NMRK2: variants seen among roughly 807,000 people sequenced by gnomAD.
NMRK2 encodes NRK 2.
A neutral mutation model predicts 24.7 loss-of-function variants in NMRK2; 34 were observed. That is an observed-to-expected ratio of 1.37 (90% CI 1.05 to 1.83). The LOEUF (loss-of-function observed/expected upper bound fraction) is 1.83, where lower values mean the gene tolerates loss of function less well. Among genes scored for constraint, NMRK2 ranks in the 40% most tolerant of loss-of-function variants. The probability of loss-of-function intolerance (pLI) is 0.00; values close to 1 mark genes in which losing one functional copy is unlikely to be tolerated. For missense variants in NMRK2, 341 were observed against 315.0 expected, an observed-to-expected ratio of 1.08 and a Z score of -0.62; for synonymous variants, 145 against 125.6, an observed-to-expected ratio of 1.15 and a Z score of -1.03.
At position 3,938,730 on chromosome 19, in the gene NMRK2, C is replaced by T. The variant is rs74527868; in HGVS notation, c.294C>T (p.Leu98=). The T allele has an allele frequency of 5.4e-3, 8,683 of 1,608,524 alleles. 414 individuals are homozygous for T. The African/African-American group carries it at 0.1, about 19-fold the overall frequency. Residue 98 remains leucine, a synonymous_variant, in exon 5 of 8, where the codon CTC becomes CTT. Transcript: ENST00000168977. ...QPEASDTHIL[L]LEGFLLYSYK... ...AGGCCTCGGACACCCACATCCTCCTCCTGGAAGGCTTCCTGCTCTACAGCT... is the reference window on the plus strand; with the variant it reads ...AGGCCTCGGACACCCACATCCTCCTTCTGGAAGGCTTCCTGCTCTACAGCT...
intron 2 of NMRK2, among the ~76,000 whole-genome samples, chr19:3,935,249 G>GTCTT (rs2039193748): frequency 7.7e-6 from 1 of 130,328 alleles, no homozygotes; most frequent in African/African-American, 2.8e-5. Context: ...TTTTCCGTCA[G>GTCTT]TCTTTTTTTT....
At chr19:3,941,966 T>C in intron 7 of NMRK2, 117 bp from the exon 8 acceptor site, 1 of 792,930 alleles carries the variant, frequency 1.3e-6, no homozygotes, top group Non-Finnish European at 2.0e-6. Flanking sequence ...TCCAGGAAAC[T>C]GACTCCAGCA....
At position 3,938,543 on chromosome 19, in the gene NMRK2, C is replaced by T. The variant is rs949867324; in HGVS notation, c.167-60C>T. 3 of 1,452,276 alleles carry T rather than the reference C, an allele frequency of 2.1e-6. No homozygotes were observed. The African/African-American group carries it at 4.3e-5, about 21-fold the overall frequency. 90.0% of individuals were successfully genotyped at this position (1,452,276 alleles called of 1,614,324 possible). On this transcript the variant is annotated intron_variant, in intron 4 of 7. Coordinates refer to ENST00000168977, the MANE Select transcript of NMRK2 (RefSeq NM_170678.3). Reference sequence around the variant, plus strand: ...GGGGTCCGCCCTCCTGCAATGCCCGCTCCCCGTCCACTATCCCCCAGGGTC... The same window carrying T: ...GGGGTCCGCCCTCCTGCAATGCCCGTTCCCCGTCCACTATCCCCCAGGGTC...
chr19:3,936,494 C>T, intron 2 of NMRK2, 81 bp from the exon 3 acceptor site: 1 of 947,456 alleles, frequency 1.1e-6, no homozygotes, highest in South Asian at 1.6e-5. Context: ...GGAGCCCAGG[C>T]TGCACCTCAG....
chr19:3,936,802 G>C, intron 3 of NMRK2, 137 bp downstream of exon 3: 2 of 673,784 alleles, frequency 3.0e-6, no homozygotes, highest in East Asian at 5.6e-5. Context: ...ACCCCTCCTG[G>C]GGTCTCTGGG....
At chr19:3,938,092 G>A (rs1466332258) in intron 4 of NMRK2, among the ~76,000 whole-genome samples, 2 of 103,928 alleles carry the variant, frequency 1.9e-5, no homozygotes, top group Non-Finnish European at 3.9e-5. Context: ...CCTGCTCCCC[G>A]TCCACTGTTC....
Position 3,933,610 on chromosome 19 carries a change from T to G in NMRK2, c.-62T>G. 3 of 1,511,950 alleles carry G rather than the reference T, an allele frequency of 2.0e-6. No individual in the cohort carries two copies. Among genetic ancestry groups the G allele is most frequent in the Non-Finnish European group, 2.7e-6 (3 of 1,130,808 alleles). 93.7% of individuals were successfully genotyped at this position (1,511,950 alleles called of 1,614,324 possible). ...AGCCGGGACGCACTCCGGAGCGCAC[T>G]GCGTGGTCGCACCCTACCCGGGCTG... On this transcript the variant is annotated 5_prime_UTR_variant, in exon 2 of 8. Transcript: ENST00000168977.
chr19:3,942,068 CCTTT>C lies in NMRK2; in HGVS notation c.503-12_503-9del, dbSNP rs763731907. On this transcript the variant is annotated splice_polypyrimidine_tract_variant and intron_variant, in intron 7 of 7. Transcript: ENST00000168977. ...CTTCCTCCCGGCAGCCCTGACGCAG[CCTTT>C]CTGATTTCAGTCTACCTGGACGGCA... The C allele has an allele frequency of 1.2e-6, 2 of 1,609,888 alleles. No individual in the cohort carries two copies. The highest frequency in any genetic ancestry group is 1.7e-4 in the Middle Eastern group (1 of 6,046).
intron 7 of NMRK2, among the ~76,000 whole-genome samples, chr19:3,941,729 G>A (rs113862711): frequency 0.068 from 10,330 of 151,802 alleles, 449 homozygotes; most frequent in Non-Finnish European, 0.092. Context: ...GGCAATCTCC[G>A]CCTCCCGGGT....
At chr19:3,933,732 G>A (rs769201065) in intron 2 of NMRK2, 35 bp downstream of exon 2, 2 of 1,398,790 alleles carry the variant, frequency 1.4e-6, no homozygotes, top group Admixed American at 3.2e-5. Flanking sequence ...CGGCCCTGCG[G>A]GGCAAAGCCC....
chr19:3,940,679 G>T (rs898943976), intron 6 of NMRK2, among the ~76,000 whole-genome samples: 1 of 148,446 alleles, frequency 6.7e-6, no homozygotes, highest in Admixed American at 6.8e-5. Context: ...AGGTTGCAGT[G>T]AGCCAAGATC....
chr19:3,940,262 G>A (rs1341623188), intron 6 of NMRK2, among the ~76,000 whole-genome samples: 2 of 144,700 alleles, frequency 1.4e-5, no homozygotes, highest in Admixed American at 7.1e-5. Flanking sequence ...CAGGAGAATC[G>A]CTTGAACCTG....
In NMRK2 at chr19:3,939,918, C is replaced by T. The variant is rs2039298937; in HGVS notation, c.342C>T (p.Tyr114=). The part of the protein sequence containing the change: ...LYSYKPLVDL[Y]SRRYFLTVPY... ...CGCCCAGGCCCCTGGTGGACTTGTA[C>T]AGCCGCCGGTACTTCCTGACCGTCC... Residue 114 remains tyrosine (Y), a synonymous_variant, in exon 6 of 8, where the codon TAC becomes TAT. Coordinates refer to ENST00000168977, the MANE Select transcript of NMRK2 (RefSeq NM_170678.3). The T allele has an allele frequency of 1.2e-6, 2 of 1,612,404 alleles. No homozygotes were observed. Among genetic ancestry groups the T allele is most frequent in the East Asian group, 2.2e-5 (1 of 44,862 alleles).
At position 3,937,276 on chromosome 19, in the gene NMRK2, A is replaced by T; in HGVS notation, c.154A>T (p.Lys52Ter). 1.9e-6 allele frequency: 3 copies of T among 1,613,236 alleles called. No homozygotes were observed. The highest frequency in any genetic ancestry group is 2.5e-6 in the Non-Finnish European group (3 of 1,179,510). ...DQIAVGEDGF[K>*]QWDVLESLDM... ...AATAGCAGTTGGGGAAGACGGCTTC[A>T]AACAGTGGGACGGTAAGGACAAGCA... Residue 52 changes from lysine to a stop codon, truncating the protein, a stop_gained, in exon 4 of 8, where the codon AAA (lysine) becomes TAA (stop). Coordinates refer to ENST00000168977, the MANE Select transcript of NMRK2 (RefSeq NM_170678.3). LOFTEE classifies it high-confidence loss of function.
At chr19:3,936,546 G>A in intron 2 of NMRK2, 29 bp from the exon 3 acceptor site, 2 of 1,508,718 alleles carry the variant, frequency 1.3e-6, no homozygotes, top group African/African-American at 1.4e-5. Flanking sequence ...GGGAGCCCAG[G>A]CAGTCTCATG....
chr19:3,933,359 G>A (rs1442476324), intron 1 of NMRK2, 99 bp from the exon 2 acceptor site: 3 of 423,222 alleles, frequency 7.1e-6, no homozygotes, highest in East Asian at 4.2e-5. Context: ...AGAAGGGGAG[G>A]AGAGGGGAGG....
At chr19:3,936,407 C>CAAAA (rs141137993) in intron 2 of NMRK2, among the ~76,000 whole-genome samples, 168 bp from the exon 3 acceptor site, 1 of 149,428 alleles carries the variant, frequency 6.7e-6, no homozygotes, top group Non-Finnish European at 1.5e-5. Flanking sequence ...GACTTGGTCT[C>CAAAA]AAAAAAAAAG....
Position 3,941,079 on chromosome 19 carries a change from A to G in NMRK2, c.404A>G (p.Asn135Ser). 6.2e-7 allele frequency: 1 copy of G among 1,612,362 alleles called. No homozygotes were observed. Among genetic ancestry groups the G allele is most frequent in the Non-Finnish European group, 8.5e-7 (1 of 1,178,690 alleles). ...GCCTTCTCCCTCTGCAGTACCCGCAACTACACAGTCCCTGATCCCCCCGGC... is the reference window on the plus strand; with the variant it reads ...GCCTTCTCCCTCTGCAGTACCCGCAGCTACACAGTCCCTGATCCCCCCGGC... Reference protein sequence around the residue: ...EECKWRRSTRNYTVPDPPGLF... With the variant: ...EECKWRRSTRSYTVPDPPGLF... Residue 135 changes from asparagine (N) to serine (S), a missense_variant, in exon 7 of 8, where the codon AAC becomes AGC. Coordinates refer to ENST00000168977, the MANE Select transcript of NMRK2 (RefSeq NM_170678.3).
chr19:3,934,110 C>T (rs1252930242), intron 2 of NMRK2, among the ~76,000 whole-genome samples: 1 of 151,950 alleles, frequency 6.6e-6, no homozygotes, highest in Non-Finnish European at 1.5e-5. Flanking sequence ...TAGCTGGGCA[C>T]GGTGGTGCAT....
Sources: gnomAD v4.1 joint callset for allele counts (sites outside exome capture counted in the v4.1 genomes callset) on GRCh38, gnomAD v4.1.1 for gene constraint, MANE v1.5 for transcripts, NCBI Gene and HGNC (gene_info 2026-07-23, HGNC 2026-07-21) for gene names.